The following CSMD2 variants were observed in gnomAD, a reference collection of about 807,000 sequenced individuals.
CSMD2 encodes the protein CUB and sushi domain-containing protein 2.
Under a neutral mutation model 398.5 loss-of-function variants are expected in CSMD2, and 130 were observed. That is an observed-to-expected ratio of 0.33 (90% CI 0.28 to 0.38). The LOEUF is 0.38. Ranked by LOEUF, CSMD2 falls within the 10% of genes least tolerant of loss-of-function variation. The pLI is 1.00. For synonymous variants in CSMD2, 1,828 were observed against 1,908.5 expected, an observed-to-expected ratio of 0.96 and a Z score of 1.10; for missense variants, 3,829 against 4,764.9, an observed-to-expected ratio of 0.80 and a Z score of 5.78.
chr1:33,901,916 T>TAA (rs1642782287), intron 5 of CSMD2, among the ~76,000 whole-genome samples: 2 of 152,230 alleles, frequency 1.3e-5, no homozygotes, highest in Non-Finnish European at 2.9e-5. Context: ...AATCATTTCA[T>TAA]AATGGGCAGA....
In CSMD2 at chr1:33,819,867, A is replaced by C. The variant is rs772582935; in HGVS notation, c.1200-30T>G. ...GAGACAAAGTGTGTCTGTGAGCTCC[A>C]TCCCTGGGCCTGCCAAGCCCCGCCC... is the stretch of plus-strand genomic sequence containing the variant. On this transcript the variant is annotated intron_variant, in intron 8 of 70. Coordinates refer to ENST00000373381, the MANE Select transcript of CSMD2 (RefSeq NM_001281956.2). 1.9e-6 allele frequency: 3 copies of C among 1,612,294 alleles called. No individual in the cohort carries two copies. The African/African-American group carries it at 4.0e-5, about 22-fold the overall frequency.
intron 41 of CSMD2, among the ~76,000 whole-genome samples, chr1:33,606,370 A>G (rs1257226945): frequency 3.3e-5 from 5 of 152,244 alleles, no homozygotes; most frequent in African/African-American, 1.2e-4. Context: ...TAATAACAAC[A>G]TCAATAACGC....
chr1:33,605,844 GT>G (rs1266837762), intron 41 of CSMD2: 1 of 1,602,750 alleles, frequency 6.2e-7, no homozygotes, highest in Non-Finnish European at 8.5e-7. Context: ...CTCCTTTCAT[GT>G]TGCTTATCTC....
chr1:33,956,940 C>T (rs1645190510), intron 3 of CSMD2, among the ~76,000 whole-genome samples: 1 of 152,046 alleles, frequency 6.6e-6, no homozygotes, highest in South Asian at 2.1e-4. Context: ...CGTGGCCAGT[C>T]TCTGCTGGTG....
chr1:33,613,142 C>G (rs976354641), intron 40 of CSMD2, among the ~76,000 whole-genome samples: 47 of 152,206 alleles, frequency 3.1e-4, no homozygotes, highest in African/African-American at 1.1e-3. Context: ...TCGGCAGAAT[C>G]CAACATTAAC....
intron 10 of CSMD2, among the ~76,000 whole-genome samples, chr1:33,802,905 C>T (rs1056869174): frequency 6.6e-6 from 1 of 152,086 alleles, no homozygotes; most frequent in Non-Finnish European, 1.5e-5. Context: ...CCAAAGTAAC[C>T]CCAAACTTTC....
In CSMD2 at chr1:33,835,910, C is replaced by T. The variant is rs374843891; in HGVS notation, c.1034-10136G>A. ...GCTTCGTTCCGTTGCTGGTGAGGAG[C>T]TGTGTTCCTTTGGAGGAGGAGAGGA... On this transcript the variant is annotated intron_variant, in intron 6 of 70. Transcript: ENST00000373381. Among the ~76,000 whole-genome samples the T allele has an allele frequency of 3.9e-5, 6 of 152,260 alleles. No individual in the cohort carries two copies. The East Asian group carries it at 1.2e-3, about 29-fold the overall frequency.
intron 44 of CSMD2, among the ~76,000 whole-genome samples, chr1:33,594,670 T>C (rs1639719401): frequency 6.6e-6 from 1 of 152,212 alleles, no homozygotes; most frequent in Admixed American, 6.5e-5. Context: ...ATCTTCTCTC[T>C]ACCATTTTCA....
intron 3 of CSMD2, among the ~76,000 whole-genome samples, chr1:34,008,336 A>G (rs940249170): frequency 6.6e-6 from 1 of 152,212 alleles, no homozygotes; most frequent in Non-Finnish European, 1.5e-5. Flanking sequence ...TTGTCCCCCT[A>G]GTGAGCAGCA....
intron 12 of CSMD2, among the ~76,000 whole-genome samples, chr1:33,787,174 G>A (rs2124837415): frequency 6.6e-6 from 1 of 152,330 alleles, no homozygotes; most frequent in African/African-American, 2.4e-5. Context: ...GGGAGAAGCA[G>A]GGGAGGATTC....
At chr1:33,954,356 T>A (rs1215690962) in intron 3 of CSMD2, among the ~76,000 whole-genome samples, 1 of 151,668 alleles carries the variant, frequency 6.6e-6, no homozygotes, top group African/African-American at 2.4e-5. Flanking sequence ...CAGGGTAAGA[T>A]CTAGTGGAGG....
At chr1:34,142,778 C>T (rs1168157947) in intron 1 of CSMD2, among the ~76,000 whole-genome samples, 1 of 152,198 alleles carries the variant, frequency 6.6e-6, no homozygotes, top group East Asian at 1.9e-4. Flanking sequence ...AATGCCATCT[C>T]TCTTACGGAC....
intron 29 of CSMD2, 27 bp downstream of exon 29, chr1:33,646,621 A>G (rs2148949734): frequency 1.9e-6 from 3 of 1,611,042 alleles, no homozygotes; most frequent in South Asian, 1.1e-5. Flanking sequence ...ACCTGTCCTC[A>G]GTACTCTCTG....
intron 11 of CSMD2, among the ~76,000 whole-genome samples, chr1:33,790,736 C>T (rs1317511044): frequency 1.3e-5 from 2 of 151,688 alleles, no homozygotes; most frequent in African/African-American, 2.4e-5. Context: ...AATCATCTAT[C>T]ATCTATTTAT....
chr1:33,728,934 C>T (rs1429317163), intron 15 of CSMD2, among the ~76,000 whole-genome samples: 1 of 152,142 alleles, frequency 6.6e-6, no homozygotes, highest in Non-Finnish European at 1.5e-5. Flanking sequence ...GTTTTCAAAA[C>T]CCATCCATCC....
At chr1:33,968,265 G>A (rs913559145) in intron 3 of CSMD2, among the ~76,000 whole-genome samples, 4 of 152,156 alleles carry the variant, frequency 2.6e-5, no homozygotes, top group Admixed American at 6.5e-5. Context: ...TCTTAAGCCC[G>A]CTAACCTCTT....
At chr1:34,101,824 CTTTTAA>C (rs1558388956) in intron 1 of CSMD2, among the ~76,000 whole-genome samples, 2 of 151,794 alleles carry the variant, frequency 1.3e-5, no homozygotes, top group African/African-American at 4.8e-5. Context: ...GTTGTTTGGC[CTTTTAA>C]TTTTATCATG....
At chr1:34,104,479 G>C (rs944908288) in intron 1 of CSMD2, among the ~76,000 whole-genome samples, 1 of 152,224 alleles carries the variant, frequency 6.6e-6, no homozygotes, top group African/African-American at 2.4e-5. Context: ...ATGCCAGTGG[G>C]ACATCCAGAC....
At chr1:33,876,926 TATAG>T (rs1640880765) in intron 5 of CSMD2, among the ~76,000 whole-genome samples, 1 of 152,334 alleles carries the variant, frequency 6.6e-6, no homozygotes, top group Non-Finnish European at 1.5e-5. Flanking sequence ...TGACAGATAA[TATAG>T]ATTCAGGTTG....
Sources: allele counts gnomAD v4.1 joint callset (sites outside exome capture counted in the v4.1 genomes callset), GRCh38; gene constraint gnomAD v4.1.1; transcripts MANE v1.5; gene names NCBI Gene and HGNC (gene_info 2026-07-23, HGNC 2026-07-21).